Variants in RFTN2 observed in about 807,000 individuals in gnomAD.
RFTN2 encodes the protein raftlin family member 2.
Under a neutral mutation model 52.7 loss-of-function variants are expected in RFTN2, and 34 were observed. The observed-to-expected ratio is 0.64, with a 90% CI of 0.49 to 0.86. The LOEUF is 0.86. Ranked by LOEUF, RFTN2 falls within the 40% of genes least tolerant of loss-of-function variation. The pLI, the probability that RFTN2 is intolerant of heterozygous loss-of-function variation, is 0.00. For missense variants in RFTN2, 536 were observed against 600.1 expected, an observed-to-expected ratio of 0.89 and a Z score of 1.12; for synonymous variants, 203 against 217.7, an observed-to-expected ratio of 0.93 and a Z score of 0.59.
intron 1 of RFTN2, among the ~76,000 whole-genome samples, chr2:197,670,449 T>C (rs1574758635): frequency 6.6e-6 from 1 of 152,160 alleles, no homozygotes; most frequent in East Asian, 1.9e-4. Context: ...TCAATGATTC[T>C]AACAGTTTAC....
chr2:197,658,364 G>T (rs567017474), intron 1 of RFTN2, among the ~76,000 whole-genome samples: 1 of 151,920 alleles, frequency 6.6e-6, no homozygotes. Flanking sequence ...TCGACCTCCT[G>T]GGCTCAGGTG....
At chr2:197,655,492 T>C (rs1330483317) in intron 1 of RFTN2, among the ~76,000 whole-genome samples, 2 of 152,192 alleles carry the variant, frequency 1.3e-5, no homozygotes, top group African/African-American at 4.8e-5. Flanking sequence ...ACAAATGTTG[T>C]ACATCAGTGC....
chr2:197,593,019 G>T (rs530852212), intron 8 of RFTN2, among the ~76,000 whole-genome samples: 3 of 152,044 alleles, frequency 2.0e-5, no homozygotes, highest in Admixed American at 2.0e-4. Context: ...AAGATCCTGC[G>T]GTTTCTTGTT....
At position 197,578,762 on chromosome 2, in the gene RFTN2, C is replaced by T. The variant is rs565387353; in HGVS notation, c.1234-6482G>A. Among the ~76,000 whole-genome samples, 415 of 152,290 alleles carry T rather than the reference C, an allele frequency of 2.7e-3. 3 individuals are homozygous for T. The highest frequency in any genetic ancestry group is 8.3e-3 in the South Asian group (40 of 4,828). The stretch of plus-strand genomic sequence containing the variant: ...AAGCCTGTTTGGTGGTCTCTTCACA[C>T]GGATGCGCATGACATTTGGTGCCGT... On this transcript the variant is annotated intron_variant, in intron 8 of 8. Coordinates refer to ENST00000295049, the MANE Select transcript of RFTN2 (RefSeq NM_144629.3).
intron 7 of RFTN2, among the ~76,000 whole-genome samples, chr2:197,596,955 A>G (rs1478679717): frequency 6.6e-6 from 1 of 152,206 alleles, no homozygotes; most frequent in Non-Finnish European, 1.5e-5. Context: ...CAGAGTCTCC[A>G]TGGATTTATG....
At chr2:197,672,695 G>A (rs1188255230) in intron 1 of RFTN2, among the ~76,000 whole-genome samples, 2 of 152,176 alleles carry the variant, frequency 1.3e-5, no homozygotes, top group Non-Finnish European at 2.9e-5. Flanking sequence ...AGGAAACTGA[G>A]ATAGAGCAAC....
intron 2 of RFTN2, among the ~76,000 whole-genome samples, chr2:197,645,474 A>G (rs756562543): frequency 1.8e-4 from 27 of 152,230 alleles, no homozygotes; most frequent in Non-Finnish European, 3.8e-4. Context: ...TTGTGTAAAA[A>G]AATTTAATGT....
chr2:197,575,926 G>A lies in RFTN2; in HGVS notation c.1234-3646C>T, dbSNP rs989849838. On this transcript the variant is annotated intron_variant, in intron 8 of 8. Coordinates refer to ENST00000295049, the MANE Select transcript of RFTN2 (RefSeq NM_144629.3). ...ATATATGAAAAAATAAGATAGCTAAGTCAAAAAAGGGAAAGCACAACAAGG... is the reference window on the plus strand; with the variant it reads ...ATATATGAAAAAATAAGATAGCTAAATCAAAAAAGGGAAAGCACAACAAGG... Among the ~76,000 whole-genome samples, 4 of 131,666 alleles carry A rather than the reference G, an allele frequency of 3.0e-5. No homozygotes were observed. In the Admixed American group the frequency reaches 3.1e-4, roughly 10 times the overall value. 86.4% of individuals were successfully genotyped at this position (131,666 alleles called of 152,430 possible). A position where few individuals can be genotyped will look rare whatever the true frequency, so the allele number is the denominator to read the frequency against.
chr2:197,651,266 A>G (rs569079686), intron 1 of RFTN2, among the ~76,000 whole-genome samples: 4 of 152,256 alleles, frequency 2.6e-5, no homozygotes, highest in Non-Finnish European at 5.9e-5. Context: ...TTTAAGTTTG[A>G]TATAGTCCCA....
At chr2:197,613,279 C>A (rs527789535) in intron 7 of RFTN2, among the ~76,000 whole-genome samples, 52 of 152,256 alleles carry the variant, frequency 3.4e-4, no homozygotes, top group African/African-American at 1.2e-3. Flanking sequence ...TATGCCCAGG[C>A]CCTGTATAGG....
chr2:197,593,427 TA>T (rs1183631922), intron 8 of RFTN2, among the ~76,000 whole-genome samples: 2 of 152,070 alleles, frequency 1.3e-5, no homozygotes, highest in East Asian at 3.8e-4. Context: ...TTTGGGGAAT[TA>T]AAAACCTTAT....
intron 8 of RFTN2, among the ~76,000 whole-genome samples, chr2:197,576,468 A>G (rs149155040): frequency 1.4e-3 from 210 of 152,332 alleles, no homozygotes; most frequent in African/African-American, 4.4e-3. Flanking sequence ...GAGCTCATTT[A>G]CTGAAAATTC....
intron 5 of RFTN2, among the ~76,000 whole-genome samples, chr2:197,624,327 C>T (rs764077300): frequency 3.9e-5 from 6 of 151,994 alleles, no homozygotes; most frequent in Non-Finnish European, 5.9e-5. Context: ...TGGCGTGGCG[C>T]GGTGACTCAT....
chr2:197,652,718 G>C (rs1470094271), intron 1 of RFTN2, among the ~76,000 whole-genome samples: 1 of 152,034 alleles, frequency 6.6e-6, no homozygotes, highest in African/African-American at 2.4e-5. Context: ...AGCAAAGAAG[G>C]GATGGTGTAT....
chr2:197,574,124 G>C (rs528817087), intron 8 of RFTN2, among the ~76,000 whole-genome samples: 6 of 152,296 alleles, frequency 3.9e-5, no homozygotes, highest in African/African-American at 1.4e-4. Context: ...GTGAGAAGAG[G>C]GCCACCGTCT....
chr2:197,593,592 A>G (rs959047061), intron 8 of RFTN2, among the ~76,000 whole-genome samples: 2 of 152,050 alleles, frequency 1.3e-5, no homozygotes, highest in Admixed American at 1.3e-4. Flanking sequence ...GTAGAATGTT[A>G]AAAAGAAAGA....
At chr2:197,592,073 G>C (rs552247453) in intron 8 of RFTN2, among the ~76,000 whole-genome samples, 7 of 152,316 alleles carry the variant, frequency 4.6e-5, no homozygotes, top group African/African-American at 1.7e-4. Context: ...GAGGAGGCGC[G>C]GAGAGTGAGT....
At chr2:197,621,742 T>C (rs2088269305) in intron 5 of RFTN2, among the ~76,000 whole-genome samples, 1 of 152,092 alleles carries the variant, frequency 6.6e-6, no homozygotes, top group Admixed American at 6.6e-5. Flanking sequence ...TTCCCTGAAA[T>C]TAGGCCAATT....
intron 1 of RFTN2, among the ~76,000 whole-genome samples, chr2:197,656,910 G>A (rs573276900): frequency 1.3e-5 from 2 of 152,286 alleles, no homozygotes; most frequent in Admixed American, 6.5e-5. Context: ...ACAGGAGGAG[G>A]CTGCAGGACC....
Sources: allele counts gnomAD v4.1 joint callset (sites outside exome capture counted in the v4.1 genomes callset), GRCh38; gene constraint gnomAD v4.1.1; transcripts MANE v1.5; gene names NCBI Gene and HGNC (gene_info 2026-07-23, HGNC 2026-07-21).